The following UBR1 variants were observed in gnomAD, a reference collection of about 807,000 sequenced individuals.
The protein encoded by UBR1 is E3 ubiquitin-protein ligase UBR1.
Under a neutral mutation model 242.1 loss-of-function variants are expected in UBR1, and 102 were observed. That is an observed-to-expected ratio of 0.42 (90% CI 0.36 to 0.50). UBR1 has a LOEUF of 0.50. UBR1 is among the 20% of genes least tolerant of loss of function. UBR1 has a pLI of 0.01. For missense variants in UBR1, 1,772 were observed against 2,101.8 expected (o/e 0.84, Z 3.07); for synonymous variants, 675 against 684.8 (o/e 0.99, Z 0.22).
chr15:42,989,354 A>G (rs1219195676), intron 34 of UBR1, among the ~76,000 whole-genome samples: 1 of 152,202 alleles, frequency 6.6e-6, no homozygotes, highest in African/African-American at 2.4e-5. Flanking sequence ...AAGGAACCAA[A>G]GAAGTACTTT....
chr15:43,026,227 A>G (rs1185991636), intron 23 of UBR1: 1 of 270,558 alleles, frequency 3.7e-6, no homozygotes, highest in Non-Finnish European at 7.1e-6. Flanking sequence ...GTGAGGCTCC[A>G]TTTCACAAAA....
At chr15:43,081,845 T>C (rs1234117143) in intron 3 of UBR1, among the ~76,000 whole-genome samples, 1 of 152,056 alleles carries the variant, frequency 6.6e-6, no homozygotes, top group African/African-American at 2.4e-5. Flanking sequence ...GAAATAATCC[T>C]ACATATAAAA....
intron 16 of UBR1, 84 bp from the exon 17 acceptor site, chr15:43,037,967 T>C (rs2033359362): frequency 7.3e-7 from 1 of 1,375,372 alleles, no homozygotes; most frequent in Admixed American, 1.9e-5. Context: ...TTCTTCAGTT[T>C]TCTCACGTGA....
At chr15:43,086,262 A>G in intron 1 of UBR1, 22 bp from the exon 2 acceptor site, 1 of 1,613,208 alleles carries the variant, frequency 6.2e-7, no homozygotes, top group Middle Eastern at 1.7e-4. Context: ...GAAGATGAAA[A>G]TTAGACTGAC....
intron 39 of UBR1, 142 bp downstream of exon 39, chr15:42,976,575 T>C: frequency 1.1e-6 from 1 of 931,258 alleles, no homozygotes; most frequent in Non-Finnish European, 1.6e-6. Context: ...TTAAACAGTA[T>C]CCATTAAAAA....
At chr15:43,012,120 G>A (rs1193470811) in intron 29 of UBR1, among the ~76,000 whole-genome samples, 17 of 152,044 alleles carry the variant, frequency 1.1e-4, no homozygotes, top group African/African-American at 3.6e-4. Context: ...CCAGTTACTC[G>A]GGAGGCTGAG....
chr15:43,101,532 T>A (rs564244343), intron 1 of UBR1, among the ~76,000 whole-genome samples: 3 of 152,066 alleles, frequency 2.0e-5, no homozygotes, highest in Non-Finnish European at 4.4e-5. Context: ...TTCCTCTCAA[T>A]ATATGACACA....
Position 43,047,154 on chromosome 15 carries a change from T to C in UBR1, c.1668+7A>G. 6.2e-7 allele frequency: 1 copy of C among 1,614,068 alleles called. No individual in the cohort carries two copies. The highest frequency in any genetic ancestry group is 8.5e-7 in the Non-Finnish European group (1 of 1,179,992). On this transcript the variant is annotated splice_region_variant and intron_variant, in intron 14 of 46. Transcript: ENST00000290650. ...AGGCACTGATCCTACTAACAAATTT[T>C]ACTTACATCACAAGCACACCACTCT...
intron 37 of UBR1, among the ~76,000 whole-genome samples, chr15:42,980,361 T>C (rs2032356740): frequency 6.6e-6 from 1 of 152,174 alleles, no homozygotes; most frequent in African/African-American, 2.4e-5. Context: ...TTACATGATA[T>C]AGTGGGAAAA....
chr15:43,070,891 A>G lies in UBR1; in HGVS notation c.563T>C (p.Val188Ala). 1 of 1,613,720 alleles carries G rather than the reference A, an allele frequency of 6.2e-7. No homozygotes were observed. The highest frequency in any genetic ancestry group is 8.5e-7 in the Non-Finnish European group (1 of 1,179,978). ...TGAAGGAAATATTTTCCTGGCTTGG[A>G]CAATTACCTCTTCATTCAACGGACA... ...SRCPLNEEVI[V>A]QARKIFPSVI... is the part of the protein sequence containing the mutation. Residue 188 changes from valine (V) to alanine (A), a missense_variant, in exon 5 of 47, where the codon GTC (valine) becomes GCC (alanine). Transcript: ENST00000290650.
intron 25 of UBR1, among the ~76,000 whole-genome samples, 173 bp from the exon 26 acceptor site, chr15:43,022,974 T>C (rs979434192): frequency 2.0e-5 from 3 of 152,186 alleles, no homozygotes; most frequent in Non-Finnish European, 4.4e-5. Flanking sequence ...GTGATCCTCC[T>C]GCCTCAGCCT....
rs138218565 is a variant in UBR1 at position 42,953,167 on chromosome 15, A to C, written c.4836-719T>G. On this transcript the variant is annotated intron_variant, in intron 44 of 46. Transcript: ENST00000290650. ...TAGTGCTGACTTGCTTGAGTCAACT[A>C]GTGTTTTATGATGAGACCATTTTAC... is the stretch of plus-strand genomic sequence containing the variant. 3.3e-3 allele frequency among the ~76,000 whole-genome samples: 506 copies of C among 152,316 alleles called. 6 individuals are homozygous for C. The highest frequency in any genetic ancestry group is 4.1e-3 in the Non-Finnish European group (278 of 68,026).
At chr15:42,962,556 C>A (rs886686701) in intron 42 of UBR1, among the ~76,000 whole-genome samples, 1 of 152,004 alleles carries the variant, frequency 6.6e-6, no homozygotes. Context: ...GTGGTGAGAT[C>A]TCAGCTCACT....
chr15:43,032,695 T>G, intron 19 of UBR1, 64 bp from the exon 20 acceptor site: 3 of 1,001,254 alleles, frequency 3.0e-6, no homozygotes, highest in Non-Finnish European at 4.5e-6. Flanking sequence ...AAACATGCAT[T>G]TCTGGACGAG....
chr15:42,964,158 A>AT lies in UBR1; in HGVS notation c.4592-116dup, dbSNP rs1215704139. On this transcript the variant is annotated intron_variant, in intron 41 of 46. Coordinates refer to ENST00000290650, the MANE Select transcript of UBR1 (RefSeq NM_174916.3). ...TCTACACTCTCCTTGTAGAGGGTAT[A>AT]TTGCTTATTCTATAAAACCATGGGT... The AT allele has an allele frequency of 3.3e-5, 26 of 786,932 alleles. No individual in the cohort carries two copies. In the African/African-American group the frequency reaches 4.5e-4, roughly 14 times the overall value. The allele number at this position is 786,932 out of a possible 1,614,324, so 48.7% of individuals were successfully genotyped here. A position where few individuals can be genotyped will look rare whatever the true frequency, so the allele number is the denominator to read the frequency against.
chr15:43,011,135 A>G (rs548095080), intron 29 of UBR1, among the ~76,000 whole-genome samples: 2 of 152,064 alleles, frequency 1.3e-5, no homozygotes, highest in African/African-American at 4.8e-5. Flanking sequence ...TATGCCTGTG[A>G]AGAGCCACTG....
intron 39 of UBR1, 87 bp downstream of exon 39, chr15:42,976,630 A>G: frequency 6.7e-7 from 1 of 1,489,040 alleles, no homozygotes; most frequent in Non-Finnish European, 9.3e-7. Context: ...ACCTAGAAAT[A>G]CATTATATAA....
chr15:42,975,083 A>C (rs2032267547), intron 39 of UBR1, among the ~76,000 whole-genome samples: 1 of 151,906 alleles, frequency 6.6e-6, no homozygotes, highest in South Asian at 2.1e-4. Flanking sequence ...TTTAGTAGAG[A>C]CGGGGTTTCA....
Position 43,043,336 on chromosome 15 carries a change from G to A in UBR1, c.1728C>T (p.Thr576=), listed in dbSNP as rs2033442884. The change falls in exon 15 of 47, where the codon ACC becomes ACT. Residue 576 remains threonine (T), a synonymous_variant. Transcript: ENST00000290650. ...ECHKAVMRCS[T]SFISSSKTVV... Reference sequence around the variant, plus strand: ...CTGTCTTGCTACTAGATATGAAACTGGTACTGCACCTCATCACAGCTTTGT... The same window carrying A: ...CTGTCTTGCTACTAGATATGAAACTAGTACTGCACCTCATCACAGCTTTGT... 6.2e-7 allele frequency: 1 copy of A among 1,613,766 alleles called. No individual in the cohort carries two copies. The highest frequency in any genetic ancestry group is 1.1e-5 in the South Asian group (1 of 91,070).
Sources: allele counts gnomAD v4.1 joint callset (sites outside exome capture counted in the v4.1 genomes callset), GRCh38; gene constraint gnomAD v4.1.1; transcripts MANE v1.5; gene names NCBI Gene and HGNC (gene_info 2026-07-23, HGNC 2026-07-21).